Variants in ESR1 observed in about 807,000 individuals in gnomAD.
ESR1 encodes estrogen receptor 1.
In ESR1, 12 loss-of-function variants were observed where a neutral mutation model predicts 52.7. The ratio of observed to expected loss-of-function variants is 0.23; its 90% CI spans 0.15 to 0.37. The LOEUF (loss-of-function observed/expected upper bound fraction) is 0.37. Ranked by LOEUF, ESR1 falls within the 10% of genes least tolerant of loss-of-function variation. The pLI is 1.00. For missense variants in ESR1, 584 were observed against 779.7 expected, an observed-to-expected ratio of 0.75 and a Z score of 2.99; for synonymous variants, 305 against 316.8, an observed-to-expected ratio of 0.96 and a Z score of 0.39.
intron 6 of ESR1, among the ~76,000 whole-genome samples, chr6:152,093,690 A>C (rs1482233973): frequency 6.6e-6 from 1 of 152,126 alleles, no homozygotes; most frequent in African/African-American, 2.4e-5. Context: ...GCCGTAAAAA[A>C]CAGCGGTTTT....
intron 7 of ESR1, chr6:152,096,636 T>C (rs1168422767): frequency 2.2e-6 from 1 of 455,872 alleles, no homozygotes; most frequent in Non-Finnish European, 4.4e-6. Context: ...GGTAAGAAGG[T>C]GATTGCAATC....
intron 4 of ESR1, among the ~76,000 whole-genome samples, chr6:151,967,337 C>G (rs553111601): frequency 6.6e-6 from 1 of 152,184 alleles, no homozygotes; most frequent in South Asian, 2.1e-4. Flanking sequence ...TTCGCCTAGC[C>G]CCTCACCCCT....
chr6:152,035,606 C>T (rs2045222261), intron 5 of ESR1, among the ~76,000 whole-genome samples: 1 of 152,054 alleles, frequency 6.6e-6, no homozygotes, highest in Non-Finnish European at 1.5e-5. Flanking sequence ...ATCAAATGCT[C>T]TTGGAAGATG....
At position 151,944,167 on chromosome 6, in the gene ESR1, T is replaced by C. The variant is rs1030026412; in HGVS notation, c.761-6T>C. 81 of 1,613,220 alleles carry C rather than the reference T, an allele frequency of 5.0e-5. No homozygotes were observed. The highest frequency in any genetic ancestry group is 3.3e-4 in the Middle Eastern group (2 of 6,084). On this transcript the variant is annotated splice_region_variant and splice_polypyrimidine_tract_variant and intron_variant, in intron 3 of 7. Coordinates refer to ENST00000206249, the MANE Select transcript of ESR1 (RefSeq NM_000125.4). ...AACTAATTTTTTTTTCCACCTGTGT[T>C]TTCAGGGATACGAAAAGACCGAAGA...
Position 152,061,448 on chromosome 6 carries a change from T to C in ESR1, c.1369+324T>C, listed in dbSNP as rs2047534964. 6.6e-6 allele frequency among the ~76,000 whole-genome samples: 1 copy of C among 152,244 alleles called. No homozygotes were observed. Among genetic ancestry groups the C allele is most frequent in the Non-Finnish European group, 1.5e-5 (1 of 68,048 alleles). On this transcript the variant is annotated intron_variant, in intron 6 of 7. Coordinates refer to ENST00000206249, the MANE Select transcript of ESR1 (RefSeq NM_000125.4). This position sits in a 1 kb window ranked among gnomAD's most constrained non-coding sequence, Gnocchi z 4.3. ...TGTTAGTTGATAGTTATATTATGTC[T>C]GAAAATAAGTAGACCAAGTAATTCT...
At chr6:151,920,298 C>G (rs542142307) in intron 3 of ESR1, among the ~76,000 whole-genome samples, 309 of 137,518 alleles carry the variant, frequency 2.2e-3, no homozygotes, top group African/African-American at 9.3e-3. Context: ...TTGCCCTTGA[C>G]TGCTTTTTTT....
intron 2 of ESR1, among the ~76,000 whole-genome samples, chr6:151,732,417 G>A (rs567604057): frequency 3.3e-5 from 5 of 152,180 alleles, no homozygotes; most frequent in South Asian, 2.1e-4. Context: ...CTTAGTGATC[G>A]TTGCTAATTG....
intron 2 of ESR1, among the ~76,000 whole-genome samples, chr6:151,730,894 C>A (rs977971735): frequency 1.3e-5 from 2 of 152,164 alleles, no homozygotes; most frequent in African/African-American, 2.4e-5. Flanking sequence ...ATATAATTTT[C>A]TCTGTCTAGC....
At chr6:151,820,605 G>A (rs1486423340) in intron 1 of ESR1, among the ~76,000 whole-genome samples, 1 of 152,140 alleles carries the variant, frequency 6.6e-6, no homozygotes, top group Non-Finnish European at 1.5e-5. Flanking sequence ...TTTAACCCAC[G>A]ACATTATGCA....
chr6:151,744,210 A>G (rs1783316405), intron 2 of ESR1, among the ~76,000 whole-genome samples: 1 of 152,086 alleles, frequency 6.6e-6, no homozygotes, highest in Admixed American at 6.6e-5. Flanking sequence ...GTATGCATGC[A>G]TGTTCTCATT....
intron 6 of ESR1, among the ~76,000 whole-genome samples, chr6:152,088,782 T>G (rs2049949415): frequency 6.6e-6 from 1 of 152,210 alleles, no homozygotes; most frequent in Non-Finnish European, 1.5e-5. Context: ...CTTTGTAAAT[T>G]ATCCAGTTTC....
chr6:152,028,746 G>C (rs1411968154), intron 5 of ESR1, among the ~76,000 whole-genome samples: 1 of 152,244 alleles, frequency 6.6e-6, no homozygotes, highest in Non-Finnish European at 1.5e-5. Flanking sequence ...GAAGGCAGCA[G>C]AAACCTCTGC....
intron 3 of ESR1, among the ~76,000 whole-genome samples, chr6:151,940,725 G>A (rs907315418): frequency 6.6e-6 from 1 of 152,056 alleles, no homozygotes; most frequent in African/African-American, 2.4e-5. Flanking sequence ...CAGTTCATTC[G>A]TTCATTAATT....
intron 2 of ESR1, among the ~76,000 whole-genome samples, chr6:151,714,222 C>T (rs1780847620): frequency 6.6e-6 from 1 of 152,096 alleles, no homozygotes; most frequent in Admixed American, 6.6e-5. Flanking sequence ...GATTTCCATT[C>T]TTTTGCATTT....
chr6:151,849,996 A>AATTTTT lies in ESR1; in HGVS notation c.643+7209_643+7210insATTTTT, dbSNP rs1487871349. ...TAGGGAATTATATATATATATATAT[A>AATTTTT]TATATATATAATTTTGTATATATAT... On this transcript the variant is annotated intron_variant, in intron 2 of 7. Coordinates refer to ENST00000206249, the MANE Select transcript of ESR1 (RefSeq NM_000125.4). Among the ~76,000 whole-genome samples the AATTTTT allele has an allele frequency of 7.9e-4, 97 of 122,498 alleles. 1 individual carries two copies. The highest frequency in any genetic ancestry group is 1.4e-3 in the Non-Finnish European group (84 of 60,806). 80.4% of individuals were successfully genotyped at this position (122,498 alleles called of 152,430 possible). A position where few individuals can be genotyped will look rare whatever the true frequency, so the allele number is the denominator to read the frequency against.
intron 4 of ESR1, among the ~76,000 whole-genome samples, chr6:151,988,832 A>G (rs1306350094): frequency 1.3e-5 from 2 of 152,098 alleles, no homozygotes; most frequent in African/African-American, 4.8e-5. Flanking sequence ...TATGAAAAAA[A>G]TATCTTTTTT....
intron 4 of ESR1, among the ~76,000 whole-genome samples, chr6:151,967,628 A>G (rs2038421280): frequency 6.6e-6 from 1 of 152,222 alleles, no homozygotes; most frequent in Admixed American, 6.5e-5. Context: ...TATTGTGAAT[A>G]GTGCCACAAT....
intron 6 of ESR1, among the ~76,000 whole-genome samples, chr6:152,093,826 G>T (rs1710268081): frequency 6.6e-6 from 1 of 152,224 alleles, no homozygotes; most frequent in South Asian, 2.1e-4. Flanking sequence ...TTAGCCAATC[G>T]CTCATCACTC....
chr6:152,091,889 A>G (rs1416631568), intron 6 of ESR1, among the ~76,000 whole-genome samples: 2 of 152,180 alleles, frequency 1.3e-5, no homozygotes, highest in Non-Finnish European at 2.9e-5. Flanking sequence ...TGGGAACAAA[A>G]AAGGAAATTG....
Sources: gnomAD v4.1 joint callset for allele counts (sites outside exome capture counted in the v4.1 genomes callset) on GRCh38, gnomAD v4.1.1 for gene constraint, Gnocchi (gnomAD v3.1) non-coding constraint, MANE v1.5 for transcripts, NCBI Gene and HGNC (gene_info 2026-07-23, HGNC 2026-07-21) for gene names.